Variants in KNL1 observed in about 807,000 individuals in gnomAD.
KNL1 encodes the protein kinetochore scaffold 1.
A neutral mutation model predicts 201.3 loss-of-function variants in KNL1; 66 were observed. The ratio of observed to expected loss-of-function variants is 0.33; its 90% CI spans 0.27 to 0.40. The LOEUF is 0.40. Among genes scored for constraint, KNL1 ranks in the 10% least tolerant of loss-of-function variants. The pLI, the probability that KNL1 is intolerant of heterozygous loss-of-function variation, is 1.00. For synonymous variants in KNL1, 895 were observed against 899.2 expected, an observed-to-expected ratio of 1.00 and a Z score of 0.08; for missense variants, 2,815 against 2,690.5, an observed-to-expected ratio of 1.05 and a Z score of -1.02.
intron 22 of KNL1, among the ~76,000 whole-genome samples, chr15:40,656,518 T>G (rs1381675991): frequency 6.6e-6 from 1 of 152,218 alleles, no homozygotes; most frequent in Non-Finnish European, 1.5e-5. Context: ...TTTCTATATG[T>G]GATAAAGTCT....
intron 9 of KNL1, among the ~76,000 whole-genome samples, chr15:40,619,376 A>ATT (rs58410318): frequency 5.6e-5 from 8 of 142,432 alleles, no homozygotes; most frequent in Non-Finnish European, 9.4e-5. Flanking sequence ...ATATATATAT[A>ATT]TTTTAGGCTA....
At position 40,620,705 on chromosome 15, in the gene KNL1, T is replaced by G; in HGVS notation, c.441T>G (p.Asp147Glu). 2 of 1,605,726 alleles carry G rather than the reference T, an allele frequency of 1.2e-6. No individual in the cohort carries two copies. The highest frequency in any genetic ancestry group is 1.1e-5 in the South Asian group (1 of 89,838). The change falls in exon 10 of 26, where the codon GAT becomes GAG. Residue 147 changes from aspartate (D) to glutamate (E), a missense_variant. Physicochemically the swap from Asp to Glu is conservative, Grantham distance 45. Around this residue, in one of 3 missense-constraint regions of KNL1, gnomAD observed 2,464 missense variants for 2,291.7 expected, o/e 1.08. Coordinates refer to ENST00000399668, the MANE Select transcript of KNL1 (RefSeq NM_144508.5). ...HANDQTVIFS[D>E]ENQMDLTSSH... Reference sequence around the variant, plus strand: ...ATGACCAGACAGTCATTTTTTCAGATGAAAACCAGATGGACCTGACATCAA... The same window carrying G: ...ATGACCAGACAGTCATTTTTTCAGAGGAAAACCAGATGGACCTGACATCAA...
Position 40,621,814 on chromosome 15 carries a change from A to T in KNL1, c.1550A>T (p.Glu517Val), listed in dbSNP as rs753790902. The change falls in exon 10 of 26, where the codon GAA (glutamate) becomes GTA (valine). Residue 517 changes from glutamate to valine, a missense_variant. By Grantham distance (121) the Glu-to-Val change is moderately radical. Coordinates refer to ENST00000399668, the MANE Select transcript of KNL1 (RefSeq NM_144508.5). ...GCAGCTGCACCAACACCCGAAAAAG[A>T]AATGATGCTCCAAAATCTTATGACC... ...QIAAAPTPEK[E>V]MMLQNLMTTS... 3.7e-6 allele frequency: 6 copies of T among 1,614,026 alleles called. No individual in the cohort carries two copies. Among genetic ancestry groups the T allele is most frequent in the Non-Finnish European group, 5.1e-6 (6 of 1,179,904 alleles).
At chr15:40,599,150 AAG>A (rs1270805426) in intron 1 of KNL1, among the ~76,000 whole-genome samples, 1 of 151,510 alleles carries the variant, frequency 6.6e-6, no homozygotes, top group East Asian at 2.0e-4. Flanking sequence ...GCTTTAAAAA[AAG>A]AGTATTTTTC....
intron 25 of KNL1, among the ~76,000 whole-genome samples, chr15:40,661,560 A>C (rs1893909529): frequency 2.6e-5 from 4 of 152,148 alleles, no homozygotes; most frequent in Admixed American, 2.6e-4. Flanking sequence ...TTTATGACCA[A>C]CAAAAGTAGC....
rs71104706 is a variant in KNL1 at position 40,617,975 on chromosome 15, TAAAAAAAAAAAAAAAAAAAAAAAA to T, written c.323-968_323-945del. 1.6e-3 allele frequency among the ~76,000 whole-genome samples: 75 copies of T among 47,232 alleles called. 3 individuals are homozygous for T. The South Asian group carries it at 0.045, about 28-fold the overall frequency. The allele number at this position is 47,232 out of a possible 152,430, so 31.0% of individuals were successfully genotyped here. A position where few individuals can be genotyped will look rare whatever the true frequency, so the allele number is the denominator to read the frequency against. Reference sequence around the variant, plus strand: ...CCTGAAATATAAATAAGGCTTTTAGTAAAAAAAAAAAAAAAAAAAAAAAAAAAAAAAAAAAAAAAGCTTATAATT... The same window carrying T: ...CCTGAAATATAAATAAGGCTTTTAGTAAAAAAAAAAAAAAAGCTTATAATT... On this transcript the variant is annotated intron_variant, in intron 8 of 25. Coordinates refer to ENST00000399668, the MANE Select transcript of KNL1 (RefSeq NM_144508.5).
Position 40,625,488 on chromosome 15 carries a change from T to A in KNL1, c.5224T>A (p.Tyr1742Asn). 6.2e-7 allele frequency: 1 copy of A among 1,613,212 alleles called. No homozygotes were observed. ...TGAGGAAAAGGCCTTGATTGAGACA[T>A]ACCAAAAAGAGATTTCACCATATGA... The part of the protein sequence containing the change: ...ETEEKALIET[Y>N]QKEISPYENK... Residue 1742 changes from tyrosine (Y) to asparagine (N), a missense_variant, in exon 10 of 26, where the codon TAC (tyrosine) becomes AAC (asparagine). By Grantham distance (143) the Tyr-to-Asn change is moderately radical. This residue lies in a region of KNL1 where 2,464 missense variants were observed against 2,291.7 expected (regional missense o/e 1.08). Coordinates refer to ENST00000399668, the MANE Select transcript of KNL1 (RefSeq NM_144508.5).
rs566568849 is a variant in KNL1, at chr15:40,652,133, T to A, written c.6415+28T>A. 1.2e-4 allele frequency: 176 copies of A among 1,469,616 alleles called. 3 individuals carry two copies. In the South Asian group the frequency reaches 2.0e-3, roughly 16 times the overall value. 91.0% of individuals were successfully genotyped at this position (1,469,616 alleles called of 1,614,324 possible). A position where few individuals can be genotyped will look rare whatever the true frequency, so the allele number is the denominator to read the frequency against. On this transcript the variant is annotated intron_variant, in intron 21 of 25. Coordinates refer to ENST00000399668, the MANE Select transcript of KNL1 (RefSeq NM_144508.5). Reference sequence around the variant, plus strand: ...AAGGAGCCAAAGTGAGATAATTCTTTTACAGAAAAATGAATGGCTACACTC... The same window carrying A: ...AAGGAGCCAAAGTGAGATAATTCTTATACAGAAAAATGAATGGCTACACTC...
intron 25 of KNL1, among the ~76,000 whole-genome samples, chr15:40,660,522 CAGGCGTGGCGGTGGGCG>C (rs1893877618): frequency 6.6e-6 from 1 of 151,798 alleles, no homozygotes; most frequent in African/African-American, 2.4e-5. Context: ...AAAAATTAGC[CAGGCGTGGCGGTGGGCG>C]CCTGTAATCC....
rs1892499101 is a variant in KNL1 at position 40,620,884 on chromosome 15, C to T, written c.620C>T (p.Thr207Ile). The change falls in exon 10 of 26, where the codon ACT (threonine) becomes ATT (isoleucine). Residue 207 changes from threonine to isoleucine, a missense_variant. Coordinates refer to ENST00000399668, the MANE Select transcript of KNL1 (RefSeq NM_144508.5). ...KEVNFSVDQN[T>I]SSENKIDFND... ...GTAAATTTTTCCGTGGATCAAAACA[C>T]TTCTTCAGAAAATAAAATAGATTTC... The T allele has an allele frequency of 1.3e-6, 2 of 1,597,710 alleles. No individual in the cohort carries two copies. Among genetic ancestry groups the T allele is most frequent in the Non-Finnish European group, 1.7e-6 (2 of 1,174,916 alleles).
chr15:40,643,040 T>TA (rs1893278778), intron 14 of KNL1: 1 of 152,242 alleles, frequency 6.6e-6, no homozygotes, highest in South Asian at 2.1e-4. Context: ...CTACAAGAGA[T>TA]ATTCTATCTC....
intron 9 of KNL1, 86 bp downstream of exon 9, chr15:40,619,097 T>G (rs563413578): frequency 3.2e-6 from 3 of 928,656 alleles, no homozygotes; most frequent in East Asian, 2.4e-5. Context: ...TGGCATAGTT[T>G]AGGGATGACT....
Position 40,621,313 on chromosome 15 carries a change from C to G in KNL1, c.1049C>G (p.Thr350Arg), listed in dbSNP as rs202126938. Residue 350 changes from threonine (T) to arginine (R), a missense_variant, in exon 10 of 26, where the codon ACA becomes AGA. Physicochemically the swap from Thr to Arg is moderately conservative, Grantham distance 71 (BLOSUM62 -1). Around this residue, in one of 3 missense-constraint regions of KNL1, gnomAD observed 2,464 missense variants for 2,291.7 expected, o/e 1.08. Transcript: ENST00000399668. ...CAAACTCAGAATGCCATGGATGTAA[C>G]AACAGGTTATGGAACTAAAGCTTCA... is the stretch of plus-strand genomic sequence containing the variant. The part of the protein sequence containing the change: ...ENQTQNAMDV[T>R]TGYGTKASGN... 2.5e-6 allele frequency: 4 copies of G among 1,613,728 alleles called. No individual in the cohort carries two copies. Among genetic ancestry groups the G allele is most frequent in the Non-Finnish European group, 3.4e-6 (4 of 1,179,898 alleles).
intron 1 of KNL1, among the ~76,000 whole-genome samples, chr15:40,602,480 CTTTTTTTTTTT>C (rs34192317): frequency 5.9e-4 from 47 of 79,150 alleles, no homozygotes; most frequent in Middle Eastern, 0.024. Flanking sequence ...TTTTTCCTTC[CTTTTTTTTTTT>C]TTTTTTTTTT....
In KNL1 at chr15:40,619,000, C is replaced by T; in HGVS notation, c.364C>T (p.Gln122Ter). ...LLSAPIHTQM[Q>*]QKEFSIIEHT... is the part of the protein sequence containing the mutation. ...TTCTGCTCCCATTCATACCCAGATG[C>T]AACAGAAGGAGGTATGAGTTCATGC... Residue 122 changes from glutamine to a stop codon, truncating the protein, a stop_gained, in exon 9 of 26, where the codon CAA becomes TAA. Coordinates refer to ENST00000399668, the MANE Select transcript of KNL1 (RefSeq NM_144508.5). LOFTEE classifies it high-confidence loss of function. The T allele has an allele frequency of 6.2e-7, 1 of 1,603,060 alleles. No individual in the cohort carries two copies. Among genetic ancestry groups the T allele is most frequent in the Non-Finnish European group, 8.5e-7 (1 of 1,170,942 alleles).
Position 40,624,087 on chromosome 15 carries a change from T to C in KNL1, c.3823T>C (p.Cys1275Arg). 2 of 1,614,094 alleles carry C rather than the reference T, an allele frequency of 1.2e-6. No homozygotes were observed. Among genetic ancestry groups the C allele is most frequent in the Non-Finnish European group, 1.7e-6 (2 of 1,179,968 alleles). Residue 1275 changes from cysteine to arginine, a missense_variant, in exon 10 of 26, where the codon TGT (cysteine) becomes CGT (arginine). By Grantham distance (180) the Cys-to-Arg change is radical (BLOSUM62 -3). Transcript: ENST00000399668. ...ATTGGAAAAAGCGCAAGTTGAAAGC[T>C]GTCAGTTAAATAATAGAGATAGAAG... is the stretch of plus-strand genomic sequence containing the variant. The part of the protein sequence containing the change: ...CTLEKAQVES[C>R]QLNNRDRRNV...
chr15:40,635,297 C>T (rs987154131), intron 13 of KNL1, among the ~76,000 whole-genome samples: 1 of 151,942 alleles, frequency 6.6e-6, no homozygotes, highest in African/African-American at 2.4e-5. Context: ...CGTGATCTGC[C>T]CACCTCAGCC....
intron 5 of KNL1, 121 bp downstream of exon 5, chr15:40,609,029 G>A (rs948296248): frequency 1.6e-6 from 1 of 643,968 alleles, no homozygotes; most frequent in Non-Finnish European, 2.7e-6. Flanking sequence ...TTCTTCAAAG[G>A]GTTATTCAGT....
intron 16 of KNL1, among the ~76,000 whole-genome samples, chr15:40,646,216 A>T (rs931372995): frequency 1.3e-5 from 2 of 152,198 alleles, no homozygotes; most frequent in African/African-American, 4.8e-5. Context: ...TGCAAGCAAT[A>T]TGCCCTTTCA....
Sources: allele counts gnomAD v4.1 joint callset (sites outside exome capture counted in the v4.1 genomes callset), GRCh38; gene constraint gnomAD v4.1.1; regional missense constraint gnomAD v4.1.1; transcripts MANE v1.5; gene names NCBI Gene and HGNC (gene_info 2026-07-23, HGNC 2026-07-21).